Variants in BOD1L1 observed in about 807,000 individuals in gnomAD.
BOD1L1 encodes biorientation of chromosomes in cell division protein 1-like 1.
BOD1L1 carries 86 observed loss-of-function variants against 240.7 expected under a neutral mutation model. The ratio of observed to expected loss-of-function variants is 0.36; its 90% CI spans 0.30 to 0.43. BOD1L1 has a LOEUF of 0.43. Among genes scored for constraint, BOD1L1 ranks in the 20% least tolerant of loss-of-function variants. The probability of loss-of-function intolerance (pLI) is 1.00; values close to 1 mark genes in which losing one functional copy is unlikely to be tolerated. For missense variants in BOD1L1, 3,554 were observed against 3,643.5 expected, an observed-to-expected ratio of 0.98 and a Z score of 0.63; for synonymous variants, 1,268 against 1,272.3, an observed-to-expected ratio of 1.00 and a Z score of 0.07.
chr4:13,598,665 A>C (rs1346261879), intron 10 of BOD1L1, among the ~76,000 whole-genome samples: 2 of 152,176 alleles, frequency 1.3e-5, no homozygotes, highest in Non-Finnish European at 2.9e-5. Context: ...TCATGTAAAT[A>C]ACATGTGGAC....
intron 22 of BOD1L1, 70 bp from the exon 23 acceptor site, chr4:13,577,701 G>T: frequency 1.7e-6 from 2 of 1,196,594 alleles, no homozygotes; most frequent in Non-Finnish European, 1.2e-6. Context: ...AATCAGCCTG[G>T]CTTGTCTGTC....
intron 25 of BOD1L1, among the ~76,000 whole-genome samples, chr4:13,574,870 GT>G (rs1335932792): frequency 2.0e-5 from 3 of 151,706 alleles, no homozygotes; most frequent in African/African-American, 7.3e-5. Context: ...CTAATACTGT[GT>G]TAAGTCTGGA....
At chr4:13,595,306 G>A (rs1030033956) in intron 12 of BOD1L1, among the ~76,000 whole-genome samples, 1 of 152,138 alleles carries the variant, frequency 6.6e-6, no homozygotes, top group African/African-American at 2.4e-5. Flanking sequence ...TGGTCCTTGA[G>A]ACCAAAACGT....
chr4:13,601,548 A>G lies in BOD1L1; in HGVS notation c.5352T>C (p.Gly1784=). 1 of 1,613,920 alleles carries G rather than the reference A, an allele frequency of 6.2e-7. No homozygotes were observed. The highest frequency in any genetic ancestry group is 1.1e-5 in the South Asian group (1 of 91,084). Residue 1784 remains glycine, a synonymous_variant, in exon 10 of 26, where the codon GGT becomes GGC. Transcript: ENST00000040738. ...TGGTGACTGCACTCTCACCTTCTGT[A>G]CCATCATTCACAGAACCATCTCCTT... The part of the protein sequence containing the change: ...SQEGDGSVND[G]TEGESAVTST...
intron 25 of BOD1L1, among the ~76,000 whole-genome samples, chr4:13,573,751 C>T (rs1712452198): frequency 6.6e-6 from 1 of 152,086 alleles, no homozygotes; most frequent in Admixed American, 6.6e-5. Flanking sequence ...CTTGAACACC[C>T]GGCCTTAAGT....
At position 13,600,930 on chromosome 4, in the gene BOD1L1, C is replaced by A. The variant is rs767244091; in HGVS notation, c.5970G>T (p.Gln1990His). 12 of 1,613,958 alleles carry A rather than the reference C, an allele frequency of 7.4e-6. No homozygotes were observed. The highest frequency in any genetic ancestry group is 9.3e-6 in the Non-Finnish European group (11 of 1,179,886). The change falls in exon 10 of 26, where the codon CAG becomes CAT. Residue 1990 changes from glutamine (Q) to histidine (H), a missense_variant. By Grantham distance (24) the Gln-to-His change is conservative. This residue lies in a region of BOD1L1 where 3,393 missense variants were observed against 3,427.1 expected (regional missense o/e 0.99). Transcript: ENST00000040738. ...TSAASDQSDS[Q>H]LEKVEDTTIS... ...TAGTGGTATCTTCAACTTTTTCGAGCTGACTGTCACTTTGATCAGATGCAG... is the reference window on the plus strand; with the variant it reads ...TAGTGGTATCTTCAACTTTTTCGAGATGACTGTCACTTTGATCAGATGCAG...
intron 5 of BOD1L1, 27 bp from the exon 6 acceptor site, chr4:13,611,127 G>C (rs76929120): frequency 0.031 from 46,462 of 1,516,276 alleles, 925 homozygotes; most frequent in Non-Finnish European, 0.037. Context: ...AGAAAGAGGA[G>C]TATGTCTGTG....
chr4:13,623,325 T>C (rs1717164020), intron 1 of BOD1L1: 3 of 152,120 alleles, frequency 2.0e-5, no homozygotes, highest in South Asian at 4.1e-4. Context: ...CAGGGGCCAT[T>C]TATAACTAAG....
Position 13,597,164 on chromosome 4 carries a change from A to G in BOD1L1, c.7959T>C (p.Asn2653=). The change falls in exon 11 of 26, where the codon AAT becomes AAC. Residue 2653 remains asparagine (N), a synonymous_variant. Coordinates refer to ENST00000040738, the MANE Select transcript of BOD1L1 (RefSeq NM_148894.3). Reference sequence around the variant, plus strand: ...CCAAAACATTCAATGGAGACTCTTCATTGCCTAATAAAATTCAAGCCATTT... The same window carrying G: ...CCAAAACATTCAATGGAGACTCTTCGTTGCCTAATAAAATTCAAGCCATTT... ...SSEENVCDIG[N]EESPLNVLGG... 6.3e-7 allele frequency: 1 copy of G among 1,591,036 alleles called. No homozygotes were observed.
chr4:13,572,316 G>C (rs1712273172), intron 25 of BOD1L1, among the ~76,000 whole-genome samples: 2 of 152,236 alleles, frequency 1.3e-5, no homozygotes, highest in African/African-American at 2.4e-5. Context: ...GCAGTGAAAG[G>C]TGTAAGCTGG....
At chr4:13,612,775 G>C (rs1577370919) in intron 5 of BOD1L1, among the ~76,000 whole-genome samples, 1 of 152,118 alleles carries the variant, frequency 6.6e-6, no homozygotes, top group East Asian at 1.9e-4. Flanking sequence ...TTTAGGGTCG[G>C]AGTGTTGGGT....
rs753236485 is a variant in BOD1L1, at chr4:13,615,487, C to T, written c.384G>A (p.Glu128=). ...GAGAAATAATTCGGTCAATACCAGACTCCAACATTCCTGATCTGAAACACA... is the reference window on the plus strand; with the variant it reads ...GAGAAATAATTCGGTCAATACCAGATTCCAACATTCCTGATCTGAAACACA... ...RQQVLKSGML[E]SGIDRIISQV... Residue 128 remains glutamate (E), a synonymous_variant, in exon 3 of 26, where the codon GAG becomes GAA. Transcript: ENST00000040738. 5.0e-6 allele frequency: 8 copies of T among 1,604,320 alleles called. No individual in the cohort carries two copies. The highest frequency in any genetic ancestry group is 1.7e-4 in the Middle Eastern group (1 of 6,040).
At position 13,614,307 on chromosome 4, in the gene BOD1L1, T is replaced by C. The variant is rs1486558602; in HGVS notation, c.1063A>G (p.Thr355Ala). ...TGTTTTTCATCTTTAACTTTCTGTG[T>C]ATCTTCACTCTTTTTTGAGTGATCA... is the stretch of plus-strand genomic sequence containing the variant. Reference protein sequence around the residue: ...KFDHSKKSEDTQKVKDEKQAK... With the variant: ...KFDHSKKSEDAQKVKDEKQAK... The change falls in exon 4 of 26, where the codon ACA becomes GCA. Residue 355 changes from threonine to alanine, a missense_variant. By Grantham distance (58) the Thr-to-Ala change is moderately conservative. Coordinates refer to ENST00000040738, the MANE Select transcript of BOD1L1 (RefSeq NM_148894.3). 1 of 1,550,016 alleles carries C rather than the reference T, an allele frequency of 6.5e-7. No individual in the cohort carries two copies. Among genetic ancestry groups the C allele is most frequent in the Non-Finnish European group, 8.7e-7 (1 of 1,146,672 alleles).
intron 25 of BOD1L1, 46 bp downstream of exon 25, chr4:13,576,792 G>A (rs376755674): frequency 1.9e-6 from 3 of 1,567,880 alleles, no homozygotes; most frequent in Non-Finnish European, 2.6e-6. Context: ...TTTTCAGATG[G>A]AGAAGCTGGT....
intron 1 of BOD1L1, 80 bp from the exon 2 acceptor site, chr4:13,620,147 G>A: frequency 7.2e-7 from 1 of 1,388,034 alleles, no homozygotes. Context: ...TTTTTACCAT[G>A]GGACAACAAA....
At chr4:13,608,091 C>A (rs1453077672) in intron 8 of BOD1L1, among the ~76,000 whole-genome samples, 2 of 152,004 alleles carry the variant, frequency 1.3e-5, no homozygotes, top group Non-Finnish European at 1.5e-5. Flanking sequence ...GGAATCTGGC[C>A]CAGATTCTGG....
At chr4:13,585,744 G>A (rs1045502181) in intron 17 of BOD1L1, among the ~76,000 whole-genome samples, 2 of 152,074 alleles carry the variant, frequency 1.3e-5, no homozygotes, top group East Asian at 1.9e-4. Context: ...TAATTGAATC[G>A]GGGGGCAGGT....
chr4:13,573,555 G>A (rs893399111), intron 25 of BOD1L1, among the ~76,000 whole-genome samples: 2 of 150,356 alleles, frequency 1.3e-5, no homozygotes, highest in African/African-American at 2.5e-5. Context: ...AAAGAGCCTC[G>A]CTCTGTCACC....
Position 13,627,328 on chromosome 4 carries a change from C to A in BOD1L1, c.243+17G>T, listed in dbSNP as rs985697126. The A allele has an allele frequency of 7.8e-7, 1 of 1,283,756 alleles. No individual in the cohort carries two copies. Among genetic ancestry groups the A allele is most frequent in the South Asian group, 3.1e-5 (1 of 31,992 alleles). The allele number at this position is 1,283,756 out of a possible 1,614,324, so 79.5% of individuals were successfully genotyped here. On this transcript the variant is annotated intron_variant, in intron 1 of 25. Coordinates refer to ENST00000040738, the MANE Select transcript of BOD1L1 (RefSeq NM_148894.3). ...TCCCCTTCCCTCGCAGACCCCCAAACCCGGCGCGCTCCTAACCTTGGTGTC... is the reference window on the plus strand; with the variant it reads ...TCCCCTTCCCTCGCAGACCCCCAAAACCGGCGCGCTCCTAACCTTGGTGTC...
Sources: gnomAD v4.1 joint callset for allele counts (sites outside exome capture counted in the v4.1 genomes callset) on GRCh38, gnomAD v4.1.1 for gene constraint, gnomAD v4.1.1 regional missense constraint, MANE v1.5 for transcripts, NCBI Gene and HGNC (gene_info 2026-07-23, HGNC 2026-07-21) for gene names.